The following RIT2 variants were observed in gnomAD, a reference collection of about 807,000 sequenced individuals.
RIT2 encodes the protein Ras like without CAAX 2, also known as GTP-binding protein Rit2.
In RIT2, 24 loss-of-function variants were observed where a neutral mutation model predicts 23.7. The observed-to-expected ratio is 1.01, with a 90% CI of 0.73 to 1.43. The LOEUF is 1.43. Ranked by LOEUF, RIT2 falls within the 40% of genes most tolerant of loss-of-function variation. The pLI is 0.00. For missense variants in RIT2, 236 were observed against 266.9 expected (o/e 0.88, Z 0.81); for synonymous variants, 107 against 91.1 (o/e 1.17, Z -0.99).
chr18:42,804,850 G>T (rs1905637650), intron 4 of RIT2, among the ~76,000 whole-genome samples: 1 of 152,102 alleles, frequency 6.6e-6, no homozygotes, highest in Admixed American at 6.6e-5. Context: ...GTAATTCTCT[G>T]TTTTCCTAGA....
At chr18:42,839,401 C>T (rs1215058613) in intron 4 of RIT2, among the ~76,000 whole-genome samples, 1 of 152,176 alleles carries the variant, frequency 6.6e-6, no homozygotes, top group Non-Finnish European at 1.5e-5. Context: ...TGTTTTCTCA[C>T]TAATCTAAAC....
intron 4 of RIT2, among the ~76,000 whole-genome samples, chr18:42,918,621 C>T (rs916304721): frequency 1.3e-5 from 2 of 152,086 alleles, no homozygotes; most frequent in East Asian, 3.9e-4. Flanking sequence ...CAATTAATTA[C>T]TGCATTACAT....
intron 2 of RIT2, among the ~76,000 whole-genome samples, chr18:42,979,432 G>C (rs1388697653): frequency 6.6e-6 from 1 of 151,910 alleles, no homozygotes; most frequent in Non-Finnish European, 1.5e-5. Context: ...TTACAATGAA[G>C]CTATTTTTCT....
At chr18:42,771,106 T>C (rs1913541435) in intron 4 of RIT2, among the ~76,000 whole-genome samples, 1 of 152,192 alleles carries the variant, frequency 6.6e-6, no homozygotes, top group Non-Finnish European at 1.5e-5. Context: ...TGGCTCAAAT[T>C]ACATCAAACT....
At chr18:42,884,062 T>C (rs1324498909) in intron 4 of RIT2, among the ~76,000 whole-genome samples, 1 of 152,192 alleles carries the variant, frequency 6.6e-6, no homozygotes, top group East Asian at 1.9e-4. Flanking sequence ...GTTTGCCATA[T>C]GCTAAGAGTT....
chr18:43,034,552 C>T (rs1354085791), intron 1 of RIT2, among the ~76,000 whole-genome samples: 1 of 152,090 alleles, frequency 6.6e-6, no homozygotes, highest in Non-Finnish European at 1.5e-5. Flanking sequence ...AACTCTGAAG[C>T]AAAACAACAA....
Position 42,923,636 on chromosome 18 carries a change from C to T in RIT2, c.362G>A (p.Arg121His). 5 of 1,613,276 alleles carry T rather than the reference C, an allele frequency of 3.1e-6. No individual in the cohort carries two copies. The highest frequency in any genetic ancestry group is 3.4e-6 in the Non-Finnish European group (4 of 1,179,582). Residue 121 changes from arginine to histidine, a missense_variant, in exon 4 of 5, where the codon CGC (arginine) becomes CAC (histidine). By Grantham distance (29) the Arg-to-His change is conservative. Transcript: ENST00000326695. Reference protein sequence around the residue: ...AKFKELIFQVRHTYEIPLVLV... With the variant: ...AKFKELIFQVHHTYEIPLVLV... Reference sequence around the variant, plus strand: ...CACCAGGGGAATTTCATAGGTGTGGCGGACCTGAAAAATGAGCTCTTTAAA... The same window carrying T: ...CACCAGGGGAATTTCATAGGTGTGGTGGACCTGAAAAATGAGCTCTTTAAA...
chr18:43,038,366 T>C (rs1441884647), intron 1 of RIT2, among the ~76,000 whole-genome samples: 2 of 151,782 alleles, frequency 1.3e-5, no homozygotes, highest in Non-Finnish European at 2.9e-5. Context: ...ATTTGACTTT[T>C]TATGCTGTTG....
intron 4 of RIT2, among the ~76,000 whole-genome samples, chr18:42,850,201 T>G (rs2144035110): frequency 6.6e-6 from 1 of 152,122 alleles, no homozygotes; most frequent in South Asian, 2.1e-4. Flanking sequence ...CTGGCAATGA[T>G]AATTCTTTGG....
chr18:43,039,788 C>T (rs1912085215), intron 1 of RIT2, among the ~76,000 whole-genome samples: 1 of 152,196 alleles, frequency 6.6e-6, no homozygotes, highest in Non-Finnish European at 1.5e-5. Context: ...ACTATATTCT[C>T]CTATTCATTT....
chr18:42,909,437 A>C (rs754038668), intron 4 of RIT2, among the ~76,000 whole-genome samples: 1 of 152,176 alleles, frequency 6.6e-6, no homozygotes. Context: ...CATGTAATCA[A>C]AACACACCTT....
At chr18:43,086,763 GAT>G (rs1913292368) in intron 1 of RIT2, among the ~76,000 whole-genome samples, 1 of 152,146 alleles carries the variant, frequency 6.6e-6, no homozygotes, top group African/African-American at 2.4e-5. Context: ...TGGATGAAAA[GAT>G]CATGCTCTAT....
intron 4 of RIT2, among the ~76,000 whole-genome samples, chr18:42,814,143 TGGGAAAAGGCCGCA>T (rs2143981344): frequency 6.6e-6 from 1 of 152,224 alleles, no homozygotes; most frequent in South Asian, 2.1e-4. Flanking sequence ...CCAGAGGCAC[TGGGAAAAGGCCGCA>T]GGGAAAAGGA....
chr18:42,899,009 G>T (rs180849125), intron 4 of RIT2, among the ~76,000 whole-genome samples: 1 of 151,804 alleles, frequency 6.6e-6, no homozygotes, highest in Non-Finnish European at 1.5e-5. Flanking sequence ...TCTTCATTGT[G>T]GTAATTAATA....
At chr18:42,920,696 C>A (rs1202944100) in intron 4 of RIT2, 1 of 1,588,634 alleles carries the variant, frequency 6.3e-7, no homozygotes. Context: ...CCTATTCTTA[C>A]CAAATATGAA....
intron 4 of RIT2, among the ~76,000 whole-genome samples, chr18:42,877,823 T>G (rs1047187629): frequency 6.6e-6 from 1 of 151,726 alleles, no homozygotes; most frequent in African/African-American, 2.4e-5. Flanking sequence ...TACATGAAAC[T>G]AACTTCAGAT....
intron 1 of RIT2, among the ~76,000 whole-genome samples, chr18:43,059,410 G>A (rs1912588525): frequency 6.6e-6 from 1 of 152,056 alleles, no homozygotes; most frequent in Non-Finnish European, 1.5e-5. Context: ...AAATTACAGG[G>A]ATTTTACACT....
intron 4 of RIT2, among the ~76,000 whole-genome samples, chr18:42,800,788 C>T (rs887703011): frequency 3.9e-5 from 6 of 152,132 alleles, no homozygotes; most frequent in African/African-American, 1.4e-4. Context: ...GCCTCGGCCT[C>T]CCAGAGTGCT....
chr18:42,812,025 C>T (rs1431649509), intron 4 of RIT2, among the ~76,000 whole-genome samples: 1 of 152,104 alleles, frequency 6.6e-6, no homozygotes, highest in African/African-American at 2.4e-5. Context: ...GAAAACACAG[C>T]TACCTATAAA....
Sources: gnomAD v4.1 joint callset for allele counts (sites outside exome capture counted in the v4.1 genomes callset) on GRCh38, gnomAD v4.1.1 for gene constraint, MANE v1.5 for transcripts, NCBI Gene and HGNC (gene_info 2026-07-23, HGNC 2026-07-21) for gene names.